Variants in FUT9 observed in about 807,000 individuals in gnomAD.
FUT9 encodes 4-galactosyl-N-acetylglucosaminide 3-alpha-L-fucosyltransferase 9.
In FUT9, 15 loss-of-function variants were observed where a neutral mutation model predicts 29.7. That is an observed-to-expected ratio of 0.51 (90% CI 0.34 to 0.78). The LOEUF is 0.78. FUT9 is among the 30% of genes least tolerant of loss of function. The pLI is 0.01. For synonymous variants in FUT9, 169 were observed against 153.7 expected (o/e 1.10, Z -0.74); for missense variants, 319 against 425.4 (o/e 0.75, Z 2.20).
intron 1 of FUT9, among the ~76,000 whole-genome samples, chr6:96,048,717 T>C (rs183737079): frequency 1.1e-4 from 17 of 152,298 alleles, no homozygotes; most frequent in African/African-American, 4.1e-4. Context: ...TTGATTAGCA[T>C]GTGCTCACTG....
intron 2 of FUT9, among the ~76,000 whole-genome samples, chr6:96,193,554 C>T (rs1773561557): frequency 6.6e-6 from 1 of 151,688 alleles, no homozygotes; most frequent in African/African-American, 2.4e-5. Flanking sequence ...CAGGAAACAA[C>T]AAGTGCTGGC....
At chr6:96,172,826 C>T (rs1336651046) in intron 2 of FUT9, among the ~76,000 whole-genome samples, 2 of 150,320 alleles carry the variant, frequency 1.3e-5, no homozygotes, top group South Asian at 4.2e-4. Context: ...GAGATAGGTT[C>T]TCAATCTTGA....
intron 1 of FUT9, among the ~76,000 whole-genome samples, chr6:96,016,903 C>A (rs768701035): frequency 3.9e-5 from 6 of 152,184 alleles, no homozygotes; most frequent in Non-Finnish European, 8.8e-5. Context: ...AAAACCAAAC[C>A]CTTTGGAAAC....
intron 1 of FUT9, among the ~76,000 whole-genome samples, chr6:96,104,397 C>T (rs1771640461): frequency 6.6e-6 from 1 of 151,834 alleles, no homozygotes; most frequent in Non-Finnish European, 1.5e-5. Context: ...TTTAATTTTC[C>T]CATGTTAAGA....
At chr6:96,035,584 G>T (rs1236460700) in intron 1 of FUT9, among the ~76,000 whole-genome samples, 1 of 144,220 alleles carries the variant, frequency 6.9e-6, no homozygotes, top group African/African-American at 2.5e-5. Context: ...ATTTACCCAG[G>T]AGAACTTCAA....
chr6:96,034,246 T>C (rs1770314783), intron 1 of FUT9, among the ~76,000 whole-genome samples: 1 of 151,680 alleles, frequency 6.6e-6, no homozygotes, highest in Non-Finnish European at 1.5e-5. Context: ...GAGGTAGAGC[T>C]ACATCATCAT....
intron 2 of FUT9, among the ~76,000 whole-genome samples, chr6:96,116,799 A>T (rs1047558246): frequency 6.6e-6 from 1 of 152,152 alleles, no homozygotes; most frequent in African/African-American, 2.4e-5. Flanking sequence ...ATTGAGTTGG[A>T]GTTATAAGAG....
intron 1 of FUT9, among the ~76,000 whole-genome samples, chr6:96,091,450 C>T (rs1191120090): frequency 6.6e-6 from 1 of 151,952 alleles, no homozygotes; most frequent in Non-Finnish European, 1.5e-5. Context: ...TATCTTGGAT[C>T]ATAAAAGAAA....
intron 1 of FUT9, among the ~76,000 whole-genome samples, chr6:96,088,477 C>T (rs1028451892): frequency 6.6e-6 from 1 of 151,300 alleles, no homozygotes; most frequent in South Asian, 2.1e-4. Context: ...CTATTATTAC[C>T]TGTATGTGGT....
chr6:96,149,256 ATTC>A (rs1772633063), intron 2 of FUT9, among the ~76,000 whole-genome samples: 2 of 152,148 alleles, frequency 1.3e-5, no homozygotes, highest in Non-Finnish European at 2.9e-5. Context: ...ATTAAATTTA[ATTC>A]TTCTATCACC....
intron 1 of FUT9, among the ~76,000 whole-genome samples, chr6:96,083,283 A>T (rs1401248910): frequency 6.6e-6 from 1 of 152,072 alleles, no homozygotes; most frequent in East Asian, 1.9e-4. Flanking sequence ...GTAAGTCAAG[A>T]TAAGGGCTCT....
At chr6:96,093,660 T>A (rs1771450591) in intron 1 of FUT9, among the ~76,000 whole-genome samples, 1 of 152,168 alleles carries the variant, frequency 6.6e-6, no homozygotes, top group Admixed American at 6.6e-5. Context: ...ATATTATTTA[T>A]GAGCAAATAA....
At chr6:96,096,868 T>G (rs1771504263) in intron 1 of FUT9, among the ~76,000 whole-genome samples, 1 of 152,102 alleles carries the variant, frequency 6.6e-6, no homozygotes, top group Non-Finnish European at 1.5e-5. Context: ...CGTTTCTTGT[T>G]TTTTCAACTC....
chr6:96,160,586 C>T (rs1772878816), intron 2 of FUT9, among the ~76,000 whole-genome samples: 1 of 152,064 alleles, frequency 6.6e-6, no homozygotes. Flanking sequence ...ATGATAAAAA[C>T]TTATCCAACT....
At chr6:96,062,750 G>T (rs941435155) in intron 1 of FUT9, among the ~76,000 whole-genome samples, 2 of 152,030 alleles carry the variant, frequency 1.3e-5, no homozygotes, top group Non-Finnish European at 2.9e-5. Flanking sequence ...AGTAGGTAAT[G>T]TTTTTATAAA....
chr6:96,127,153 C>A (rs755334799), intron 2 of FUT9, among the ~76,000 whole-genome samples: 1 of 152,006 alleles, frequency 6.6e-6, no homozygotes, highest in Non-Finnish European at 1.5e-5. Flanking sequence ...AGCAGAGTAT[C>A]CAATAGGTAG....
intron 1 of FUT9, among the ~76,000 whole-genome samples, chr6:96,113,342 G>A (rs963967671): frequency 6.6e-6 from 1 of 151,738 alleles, no homozygotes; most frequent in African/African-American, 2.4e-5. Context: ...AGGTTCAAGC[G>A]ATTCTCCTGC....
intron 2 of FUT9, among the ~76,000 whole-genome samples, chr6:96,201,482 T>C (rs1171440444): frequency 1.3e-5 from 2 of 151,926 alleles, no homozygotes; most frequent in African/African-American, 4.8e-5. Flanking sequence ...TTCCTTCTTA[T>C]TTTTTTAGCA....
chr6:96,026,329 A>G (rs10484739), intron 1 of FUT9, among the ~76,000 whole-genome samples: 25,068 of 151,502 alleles, frequency 0.17, 2,775 homozygotes, highest in Admixed American at 0.31. Flanking sequence ...CCTTTCACTA[A>G]GATAGAAAAT....
Sources: allele counts gnomAD v4.1 joint callset (sites outside exome capture counted in the v4.1 genomes callset), GRCh38; gene constraint gnomAD v4.1.1; transcripts MANE v1.5; gene names NCBI Gene and HGNC (gene_info 2026-07-23, HGNC 2026-07-21).